Variants in PXDNL observed in about 807,000 individuals in gnomAD.
PXDNL encodes the protein probable oxidoreductase PXDNL.
PXDNL carries 145 observed loss-of-function variants against 150.8 expected under a neutral mutation model. That is an observed-to-expected ratio of 0.96 (90% CI 0.84 to 1.10). PXDNL has a LOEUF of 1.10. PXDNL is among the 50% of genes least tolerant of loss of function. The pLI is 0.00. For missense variants in PXDNL, 2,087 were observed against 1,873.9 expected (o/e 1.11, Z -2.10); for synonymous variants, 757 against 725.7 (o/e 1.04, Z -0.69).
chr8:51,481,671 A>C (rs1054172860), intron 6 of PXDNL, among the ~76,000 whole-genome samples: 4 of 152,214 alleles, frequency 2.6e-5, no homozygotes, highest in Admixed American at 2.6e-4. Flanking sequence ...GTTTCTGAAC[A>C]TGGTGCCCTG....
intron 19 of PXDNL, among the ~76,000 whole-genome samples, chr8:51,367,058 A>T (rs1190258682): frequency 6.9e-6 from 1 of 144,408 alleles, no homozygotes; most frequent in East Asian, 2.1e-4. Flanking sequence ...CCGAGATCAC[A>T]CCACTGCACT....
intron 2 of PXDNL, among the ~76,000 whole-genome samples, chr8:51,636,734 G>C (rs1814610691): frequency 1.3e-5 from 2 of 151,716 alleles, no homozygotes; most frequent in Non-Finnish European, 2.9e-5. Context: ...GAAAGCTTAA[G>C]ATGTTGAGAT....
At chr8:51,657,226 C>T (rs528767059) in intron 1 of PXDNL, among the ~76,000 whole-genome samples, 2 of 152,242 alleles carry the variant, frequency 1.3e-5, no homozygotes, top group South Asian at 2.1e-4. Context: ...AAATTGTAAC[C>T]ATTTCACAAC....
At chr8:51,706,047 A>G (rs938608036) in intron 1 of PXDNL, among the ~76,000 whole-genome samples, 1 of 152,250 alleles carries the variant, frequency 6.6e-6, no homozygotes, top group Admixed American at 6.5e-5. Context: ...GCAGTGGCTC[A>G]TGCCTATAAT....
intron 4 of PXDNL, among the ~76,000 whole-genome samples, chr8:51,521,534 G>A (rs1811664455): frequency 6.6e-6 from 1 of 151,970 alleles, no homozygotes; most frequent in Non-Finnish European, 1.5e-5. Flanking sequence ...TGTGTACCTA[G>A]TTAAAAACAG....
chr8:51,551,373 C>T (rs997122512), intron 4 of PXDNL, among the ~76,000 whole-genome samples: 1 of 152,180 alleles, frequency 6.6e-6, no homozygotes, highest in African/African-American at 2.4e-5. Context: ...AAAAGCAAGA[C>T]TAAGCAAAAA....
chr8:51,424,779 C>T (rs752589815), intron 13 of PXDNL, among the ~76,000 whole-genome samples: 1 of 152,218 alleles, frequency 6.6e-6, no homozygotes, highest in Non-Finnish European at 1.5e-5. Context: ...AAAGAACTCA[C>T]ACTCCAGCTA....
At chr8:51,367,324 A>G (rs1806953672) in intron 19 of PXDNL, among the ~76,000 whole-genome samples, 1 of 152,096 alleles carries the variant, frequency 6.6e-6, no homozygotes, top group African/African-American at 2.4e-5. Flanking sequence ...AAAACCATGG[A>G]AAAAGCTGTT....
At chr8:51,628,354 T>C (rs1223699738) in intron 2 of PXDNL, among the ~76,000 whole-genome samples, 1 of 149,352 alleles carries the variant, frequency 6.7e-6, no homozygotes, top group Non-Finnish European at 1.5e-5. Context: ...TCTTTCTTTC[T>C]TTTCTTTCTT....
At chr8:51,493,698 G>T (rs1486654789) in intron 5 of PXDNL, among the ~76,000 whole-genome samples, 2 of 152,168 alleles carry the variant, frequency 1.3e-5, no homozygotes, top group Non-Finnish European at 2.9e-5. Flanking sequence ...AAGATCAAAT[G>T]AATGAAATGA....
At chr8:51,559,703 T>C (rs1465796409) in intron 3 of PXDNL, among the ~76,000 whole-genome samples, 1 of 151,884 alleles carries the variant, frequency 6.6e-6, no homozygotes, top group Non-Finnish European at 1.5e-5. Flanking sequence ...ACCATCCTGA[T>C]GAGAACTTAA....
At chr8:51,496,152 G>A (rs1204605801) in intron 5 of PXDNL, among the ~76,000 whole-genome samples, 3 of 152,144 alleles carry the variant, frequency 2.0e-5, no homozygotes, top group Non-Finnish European at 4.4e-5. Flanking sequence ...ATGTAATCCA[G>A]CATATAAACA....
At chr8:51,547,409 ACTCCAACAATGGACTCCAACAGAGT>A (rs1254651650) in intron 4 of PXDNL, among the ~76,000 whole-genome samples, 2 of 151,790 alleles carry the variant, frequency 1.3e-5, no homozygotes, top group Non-Finnish European at 2.9e-5. Flanking sequence ...ACTAAATAAA[ACTCCAACAATGGACTCCAACAGAGT>A]CCACTTCACT....
At chr8:51,693,353 T>C (rs1816040780) in intron 1 of PXDNL, among the ~76,000 whole-genome samples, 2 of 152,256 alleles carry the variant, frequency 1.3e-5, no homozygotes, top group Admixed American at 6.5e-5. Context: ...TTAGGATCAG[T>C]AGCAATACAA....
intron 1 of PXDNL, among the ~76,000 whole-genome samples, chr8:51,696,835 A>AT (rs1816153270): frequency 7.5e-3 from 1 of 134 alleles, no homozygotes; most frequent in Non-Finnish European, 0.017. Context: ...ACACACACAC[A>AT]CACAGGTCCT....
At chr8:51,623,810 C>G (rs1296590592) in intron 2 of PXDNL, among the ~76,000 whole-genome samples, 3 of 152,106 alleles carry the variant, frequency 2.0e-5, no homozygotes, top group Non-Finnish European at 4.4e-5. Context: ...AATCCACAAG[C>G]CAGGCATGGT....
intron 2 of PXDNL, among the ~76,000 whole-genome samples, chr8:51,593,487 C>A (rs571125452): frequency 6.6e-6 from 1 of 152,278 alleles, no homozygotes; most frequent in East Asian, 1.9e-4. Context: ...ACCCTCAAAG[C>A]TTTTAAAAAT....
At chr8:51,571,781 T>C (rs1812949510) in intron 3 of PXDNL, among the ~76,000 whole-genome samples, 2 of 151,846 alleles carry the variant, frequency 1.3e-5, no homozygotes, top group Admixed American at 6.6e-5. Flanking sequence ...AGAGAATTAA[T>C]ACATGAAATC....
At chr8:51,733,840 AT>A (rs1816983314) in intron 1 of PXDNL, among the ~76,000 whole-genome samples, 1 of 146,750 alleles carries the variant, frequency 6.8e-6, no homozygotes, top group Admixed American at 6.8e-5. Context: ...TATAATTTAT[AT>A]ATATATGATA....
Sources: allele counts gnomAD v4.1 joint callset (sites outside exome capture counted in the v4.1 genomes callset), GRCh38; gene constraint gnomAD v4.1.1; transcripts MANE v1.5; gene names NCBI Gene and HGNC (gene_info 2026-07-23, HGNC 2026-07-21).